The following TENM1 variants were observed in gnomAD, a reference collection of about 807,000 sequenced individuals.
TENM1 encodes teneurin transmembrane protein 1, also known as teneurin-1.
In TENM1, 35 loss-of-function variants were observed where a neutral mutation model predicts 174.8. The observed-to-expected ratio is 0.20, with a 90% CI of 0.15 to 0.27. The LOEUF (loss-of-function observed/expected upper bound fraction) is 0.27, where lower values mean the gene tolerates loss of function less well. Ranked by LOEUF, TENM1 falls within the 10% of genes least tolerant of loss-of-function variation. The pLI, the probability that TENM1 is intolerant of heterozygous loss-of-function variation, is 1.00. For missense variants in TENM1, 1,633 were observed against 2,130.1 expected, an observed-to-expected ratio of 0.77 and a Z score of 4.59; for synonymous variants, 781 against 798.7, an observed-to-expected ratio of 0.98 and a Z score of 0.37.
intron 11 of TENM1, among the ~76,000 whole-genome samples, chrX:124,627,209 G>A (rs1441748771): frequency 1.3e-4 from 14 of 111,101 alleles, no homozygotes; most frequent in Non-Finnish European, 1.9e-5. Flanking sequence ...TAAGTGAGGG[G>A]CAGCTCCCAT....
intron 1 of TENM1, among the ~76,000 whole-genome samples, chrX:124,953,736 C>A (rs938586222): frequency 8.9e-6 from 1 of 111,739 alleles, no homozygotes; most frequent in Non-Finnish European, 1.9e-5. Context: ...GGGAGTCAGT[C>A]TTTTCCTTCT....
chrX:124,962,356 G>T (rs1490390336), intron 1 of TENM1, among the ~76,000 whole-genome samples: 3 of 111,356 alleles, frequency 2.7e-5, no homozygotes, highest in Non-Finnish European at 5.7e-5. Flanking sequence ...CCACAAATGG[G>T]TCCCACCCCC....
At chrX:125,156,399 TCA>T in the TENM1 span, among the ~76,000 whole-genome samples, 2 of 111,942 alleles carry the variant, frequency 1.8e-5, no homozygotes, top group African/African-American at 6.5e-5. Flanking sequence ...TTTTCAGTCC[TCA>T]CACTCTTCCC....
chrX:124,846,486 C>T (rs2056611241), intron 3 of TENM1, among the ~76,000 whole-genome samples: 1 of 111,127 alleles, frequency 9.0e-6, no homozygotes, highest in Admixed American at 9.6e-5. Context: ...ACAGTAATTT[C>T]CTTTTTTATT....
At chrX:125,054,088 T>C in the TENM1 span, among the ~76,000 whole-genome samples, 4 of 112,132 alleles carry the variant, frequency 3.6e-5, no homozygotes, top group South Asian at 1.5e-3. Context: ...TAAACTAGTA[T>C]CAGCATTTAG....
rs372138905 is a variant in TENM1 at position 124,788,431 on chromosome X, T to C, written c.536-51234A>G. Among the ~76,000 whole-genome samples the C allele has an allele frequency of 1.2e-4, 13 of 111,940 alleles. No individual in the cohort carries two copies. In the South Asian group the frequency reaches 3.4e-3, roughly 29 times the overall value. Reference sequence around the variant, plus strand: ...AACAGTCCCCTAAAGTCTCAACGCATTTCGACATTAACTCAAAAGTCCACA... The same window carrying C: ...AACAGTCCCCTAAAGTCTCAACGCACTTCGACATTAACTCAAAAGTCCACA... On this transcript the variant is annotated intron_variant, in intron 3 of 31. Transcript: ENST00000422452.
chrX:124,642,429 T>G (rs1322691073), intron 10 of TENM1, among the ~76,000 whole-genome samples: 1 of 112,506 alleles, frequency 8.9e-6, no homozygotes, highest in Non-Finnish European at 1.9e-5. Flanking sequence ...CTAGAGGAGT[T>G]TATATAAATT....
the TENM1 span, among the ~76,000 whole-genome samples, chrX:125,174,184 C>T: frequency 1.8e-4 from 20 of 111,340 alleles, no homozygotes; most frequent in African/African-American, 6.2e-4. Context: ...CAGATATCAG[C>T]AGAATATCCA....
At chrX:124,951,712 G>A (rs2058491661) in intron 1 of TENM1, among the ~76,000 whole-genome samples, 1 of 97,404 alleles carries the variant, frequency 1.0e-5, no homozygotes, top group African/African-American at 3.7e-5. Context: ...TCTAATTTGA[G>A]TCTCTTTCCA....
chrX:124,937,406 T>C (rs1421614568), intron 1 of TENM1, among the ~76,000 whole-genome samples: 1 of 111,757 alleles, frequency 8.9e-6, no homozygotes, highest in Non-Finnish European at 1.9e-5. Flanking sequence ...GCTCCAATAG[T>C]GCTTATTGCA....
intron 23 of TENM1, among the ~76,000 whole-genome samples, chrX:124,451,955 G>A (rs1158848645): frequency 8.9e-6 from 1 of 111,956 alleles, no homozygotes; most frequent in African/African-American, 3.3e-5. Flanking sequence ...TCAGGACATA[G>A]GCATGGGCAA....
intron 19 of TENM1, among the ~76,000 whole-genome samples, chrX:124,502,165 A>G (rs56974283): frequency 0.024 from 2,739 of 112,370 alleles, 79 homozygotes; most frequent in African/African-American, 0.084. Flanking sequence ...ATAATGGGTA[A>G]ATTTTATGAT....
intron 3 of TENM1, among the ~76,000 whole-genome samples, chrX:124,859,367 A>T (rs2056869776): frequency 9.3e-6 from 1 of 107,770 alleles, no homozygotes; most frequent in Non-Finnish European, 1.9e-5. Flanking sequence ...AGATGGTGAA[A>T]CCCCATCTCT....
chrX:124,845,709 A>C (rs905032374), intron 3 of TENM1, among the ~76,000 whole-genome samples: 3 of 109,691 alleles, frequency 2.7e-5, no homozygotes, highest in African/African-American at 1.0e-4. Flanking sequence ...ACCAGGACTT[A>C]CCTCCCTCCC....
intron 4 of TENM1, among the ~76,000 whole-genome samples, chrX:124,729,940 T>A (rs1182514107): frequency 9.0e-6 from 1 of 111,198 alleles, no homozygotes; most frequent in Non-Finnish European, 1.9e-5. Flanking sequence ...CACTGCAACC[T>A]CTGAACCATC....
chrX:124,765,416 T>C (rs1294613496), intron 3 of TENM1, among the ~76,000 whole-genome samples: 1 of 111,851 alleles, frequency 8.9e-6, no homozygotes, highest in Non-Finnish European at 1.9e-5. Flanking sequence ...ATGACTCTCA[T>C]AGCACCTGCA....
intron 5 of TENM1, among the ~76,000 whole-genome samples, chrX:124,704,078 G>A (rs1479291395): frequency 8.9e-6 from 1 of 112,126 alleles, no homozygotes; most frequent in Admixed American, 9.5e-5. Context: ...TCAACCAAAT[G>A]TACTTTATTA....
chrX:124,774,579 A>C (rs1323532606), intron 3 of TENM1, among the ~76,000 whole-genome samples: 4 of 111,786 alleles, frequency 3.6e-5, no homozygotes, highest in African/African-American at 1.3e-4. Flanking sequence ...GAAAATTCAT[A>C]GTTAGATTAT....
At chrX:124,571,321 AC>A (rs2047077697) in intron 11 of TENM1, among the ~76,000 whole-genome samples, 1 of 112,385 alleles carries the variant, frequency 8.9e-6, no homozygotes, top group Non-Finnish European at 1.9e-5. Context: ...ATTTACAAAA[AC>A]TTGTGGGATG....
Sources: gnomAD v4.1 joint callset for allele counts (sites outside exome capture counted in the v4.1 genomes callset) on GRCh38, gnomAD v4.1.1 for gene constraint, MANE v1.5 for transcripts, NCBI Gene and HGNC (gene_info 2026-07-23, HGNC 2026-07-21) for gene names.